Variants in SHISA9 observed in about 807,000 individuals in gnomAD.
SHISA9 encodes the protein protein shisa-9.
SHISA9 carries 13 observed loss-of-function variants against 38.0 expected under a neutral mutation model. That is an observed-to-expected ratio of 0.34 (90% CI 0.22 to 0.54). The LOEUF (loss-of-function observed/expected upper bound fraction) is 0.54. Ranked by LOEUF, SHISA9 falls within the 20% of genes least tolerant of loss-of-function variation. The pLI is 0.91. For missense variants in SHISA9, 538 were observed against 575.8 expected, an observed-to-expected ratio of 0.93 and a Z score of 0.67; for synonymous variants, 275 against 242.0, an observed-to-expected ratio of 1.14 and a Z score of -1.27.
the SHISA9 span, among the ~76,000 whole-genome samples, chr16:13,490,249 T>C: frequency 6.6e-6 from 1 of 152,088 alleles, no homozygotes; most frequent in Non-Finnish European, 1.5e-5. Flanking sequence ...ACTGGAATGT[T>C]GGGTGTTTGT....
chr16:13,088,648 G>A (rs1258345926), intron 2 of SHISA9, among the ~76,000 whole-genome samples: 1 of 152,254 alleles, frequency 6.6e-6, no homozygotes, highest in African/African-American at 2.4e-5. Context: ...TGTGATTTTT[G>A]CACATTGATT....
intron 1 of SHISA9, among the ~76,000 whole-genome samples, chr16:12,905,753 G>C (rs2141705446): frequency 6.6e-6 from 1 of 152,110 alleles, no homozygotes; most frequent in South Asian, 2.1e-4. Flanking sequence ...CACCACACCT[G>C]GCTAATTTTT....
chr16:13,118,533 A>G (rs564294047), intron 2 of SHISA9, among the ~76,000 whole-genome samples: 1 of 152,138 alleles, frequency 6.6e-6, no homozygotes, highest in Non-Finnish European at 1.5e-5. Flanking sequence ...GGTGAGGTGC[A>G]TGTGGATCAC....
intron 2 of SHISA9, among the ~76,000 whole-genome samples, chr16:13,094,641 C>T (rs551979732): frequency 1.1e-4 from 16 of 152,226 alleles, no homozygotes; most frequent in East Asian, 5.8e-4. Flanking sequence ...TTTATACTTT[C>T]GAAGTCAGGG....
chr16:13,335,332 GAT>G, the SHISA9 span, among the ~76,000 whole-genome samples: 1 of 152,206 alleles, frequency 6.6e-6, no homozygotes, highest in Non-Finnish European at 1.5e-5. Flanking sequence ...GGAAGAGAGA[GAT>G]AGATGGAGTA....
the SHISA9 span, among the ~76,000 whole-genome samples, chr16:13,528,574 G>C: frequency 6.6e-6 from 1 of 152,120 alleles, no homozygotes; most frequent in African/African-American, 2.4e-5. Context: ...AAGAAAGAAA[G>C]GCATTTTTTT....
At chr16:13,401,501 G>A in the SHISA9 span, among the ~76,000 whole-genome samples, 1 of 152,172 alleles carries the variant, frequency 6.6e-6, no homozygotes, top group African/African-American at 2.4e-5. Flanking sequence ...CCCCCAGTGG[G>A]ACTGTATTTG....
At chr16:12,935,198 C>T (rs1246432113) in intron 2 of SHISA9, among the ~76,000 whole-genome samples, 2 of 152,100 alleles carry the variant, frequency 1.3e-5, no homozygotes, top group African/African-American at 4.8e-5. Flanking sequence ...AGATGCTGGT[C>T]AGAAGAAGTA....
chr16:13,498,507 A>C, the SHISA9 span, among the ~76,000 whole-genome samples: 3 of 152,200 alleles, frequency 2.0e-5, no homozygotes, highest in African/African-American at 7.2e-5. Flanking sequence ...CTGTAATCCC[A>C]GCACTTTGGG....
At chr16:13,089,373 A>G (rs994280546) in intron 2 of SHISA9, among the ~76,000 whole-genome samples, 4 of 152,220 alleles carry the variant, frequency 2.6e-5, no homozygotes, top group Admixed American at 2.0e-4. Context: ...TTCCGAAGGA[A>G]TGGTACCAGC....
intron 4 of SHISA9, among the ~76,000 whole-genome samples, chr16:13,214,951 A>AT (rs138027133): frequency 0.018 from 2,703 of 148,634 alleles, 76 homozygotes; most frequent in African/African-American, 0.057. Flanking sequence ...AGTTGTGGCC[A>AT]TTTTTTTTTT....
intron 4 of SHISA9, among the ~76,000 whole-genome samples, chr16:13,220,678 CTCTA>C (rs1206008163): frequency 2.6e-5 from 4 of 152,262 alleles, no homozygotes; most frequent in South Asian, 2.1e-4. Context: ...AAAAAAAAAT[CTCTA>C]TCTATATAGC....
the SHISA9 span, among the ~76,000 whole-genome samples, chr16:13,400,950 C>G: frequency 6.6e-6 from 1 of 152,128 alleles, no homozygotes; most frequent in Admixed American, 6.5e-5. Flanking sequence ...TTGCTCCAGA[C>G]AAATCTAAAC....
chr16:13,050,195 A>G (rs956317729), intron 2 of SHISA9, among the ~76,000 whole-genome samples: 4 of 152,202 alleles, frequency 2.6e-5, no homozygotes, highest in Non-Finnish European at 2.9e-5. Flanking sequence ...TGATTGAGAT[A>G]TGGATGTAGA....
the SHISA9 span, among the ~76,000 whole-genome samples, chr16:13,289,035 A>G: frequency 1.7e-4 from 26 of 152,306 alleles, no homozygotes; most frequent in South Asian, 5.4e-3. Context: ...TAAGCCAATG[A>G]AAACCTGTCT....
At chr16:13,259,907 A>G in the SHISA9 span, among the ~76,000 whole-genome samples, 1 of 150,220 alleles carries the variant, frequency 6.7e-6, no homozygotes, top group African/African-American at 2.4e-5. Flanking sequence ...CATTTTCCCC[A>G]TGGTCTTGGG....
At chr16:12,972,959 T>C (rs1825931249) in intron 2 of SHISA9, among the ~76,000 whole-genome samples, 1 of 152,034 alleles carries the variant, frequency 6.6e-6, no homozygotes. Flanking sequence ...CTACTAAAAA[T>C]GCAAAAATTA....
At chr16:13,537,946 G>GT in the SHISA9 span, among the ~76,000 whole-genome samples, 3 of 152,060 alleles carry the variant, frequency 2.0e-5, no homozygotes, top group Non-Finnish European at 4.4e-5. Context: ...GAAAAATGGT[G>GT]TTTTCTACTT....
Position 13,236,399 on chromosome 16 carries a change from C to A in SHISA9, c.*990C>A, listed in dbSNP as rs1222970645. 1.3e-5 allele frequency: 2 copies of A among 151,552 alleles called. No individual in the cohort carries two copies. The highest frequency in any genetic ancestry group is 1.9e-4 in the East Asian group (1 of 5,138). The allele number at this position is 151,552 out of a possible 1,614,324, so 9.4% of individuals were successfully genotyped here. The stretch of plus-strand genomic sequence containing the variant: ...AGGAGATCAGATGAGGATCCAGAAG[C>A]CTCTGATTTCTGGGTTTTGCCTCCA... On this transcript the variant is annotated 3_prime_UTR_variant, in exon 5 of 5. Transcript: ENST00000558583.
Sources: gnomAD v4.1 joint callset for allele counts (sites outside exome capture counted in the v4.1 genomes callset) on GRCh38, gnomAD v4.1.1 for gene constraint, MANE v1.5 for transcripts, NCBI Gene and HGNC (gene_info 2026-07-23, HGNC 2026-07-21) for gene names.